The following PECR variants were observed in gnomAD, a reference collection of about 807,000 sequenced individuals.
PECR encodes peroxisomal trans-2-enoyl-CoA reductase.
A neutral mutation model predicts 35.3 loss-of-function variants in PECR; 30 were observed. The ratio of observed to expected loss-of-function variants is 0.85; its 90% CI spans 0.64 to 1.15. The LOEUF is 1.15. Ranked by LOEUF, PECR falls within the 50% of genes most tolerant of loss-of-function variation. PECR has a pLI of 0.00. For synonymous variants in PECR, 148 were observed against 138.9 expected (o/e 1.07, Z -0.46); for missense variants, 392 against 370.8 (o/e 1.06, Z -0.47).
chr2:216,068,018 G>A (rs1219574915), intron 1 of PECR, among the ~76,000 whole-genome samples: 1 of 151,804 alleles, frequency 6.6e-6, no homozygotes. Flanking sequence ...CATGAGGTCA[G>A]GAGTTTGAGA....
chr2:216,054,371 CTTTTTTTT>C (rs34214360), intron 4 of PECR, among the ~76,000 whole-genome samples: 52 of 102,766 alleles, frequency 5.1e-4, no homozygotes, highest in African/African-American at 1.4e-3. Flanking sequence ...TTTTTTCTTT[CTTTTTTTT>C]TTTTTTTTTT....
At chr2:216,066,658 A>G in intron 1 of PECR, 140 bp from the exon 2 acceptor site, 1 of 770,314 alleles carries the variant, frequency 1.3e-6, no homozygotes, top group Non-Finnish European at 2.3e-6. Context: ...AATAATATTG[A>G]AAAAATATAT....
Position 216,081,802 on chromosome 2 carries a change from A to G in PECR, c.-61T>C, listed in dbSNP as rs1695861739. 6.3e-7 allele frequency: 1 copy of G among 1,587,804 alleles called. No homozygotes were observed. Among genetic ancestry groups the G allele is most frequent in the African/African-American group, 1.3e-5 (1 of 74,730 alleles). On this transcript the variant is annotated 5_prime_UTR_variant, in exon 1 of 8. Coordinates refer to ENST00000265322, the MANE Select transcript of PECR (RefSeq NM_018441.6). ...CCCTTCTGGGTCTCAGGGACATTCG[A>G]GGCGGGCGGGCGGACAGGGCGGTGC...
chr2:216,070,622 AAAG>A (rs1695570475), intron 1 of PECR, among the ~76,000 whole-genome samples: 1 of 152,346 alleles, frequency 6.6e-6, no homozygotes, highest in South Asian at 2.1e-4. Flanking sequence ...ACTTAAAACA[AAAG>A]AAACTGTTTT....
At chr2:216,040,798 G>T (rs922143381) in intron 7 of PECR, among the ~76,000 whole-genome samples, 1 of 152,098 alleles carries the variant, frequency 6.6e-6, no homozygotes. Context: ...TTGAACCTGG[G>T]AGGCAGAGAT....
At chr2:216,032,694 A>G (rs564890191) in intron 7 of PECR, 1 of 152,196 alleles carries the variant, frequency 6.6e-6, no homozygotes, top group Non-Finnish European at 1.5e-5. Context: ...TCTCCCCAGT[A>G]AATTTTATAT....
downstream of PECR, among the ~76,000 whole-genome samples, chr2:216,037,860 A>G (rs7559031): frequency 0.72 from 109,705 of 151,658 alleles, 39,801 homozygotes; most frequent in African/African-American, 0.77. Flanking sequence ...CAAAGCGGGC[A>G]GATCACTTAA....
In PECR at chr2:216,066,519, C is replaced by A; in HGVS notation, c.125-1G>T. The stretch of plus-strand genomic sequence containing the variant: ...CGGGATGCAATGACCACATTACTCC[C>A]TGAGGAGAAACAGCCAGAGAACAAA... On this transcript the variant is annotated splice_acceptor_variant, in intron 1 of 7. Transcript: ENST00000265322. LOFTEE classifies it high-confidence loss of function. The A allele has an allele frequency of 6.2e-7, 1 of 1,613,836 alleles. No individual in the cohort carries two copies. Among genetic ancestry groups the A allele is most frequent in the Non-Finnish European group, 8.5e-7 (1 of 1,179,790 alleles).
At chr2:216,065,815 A>C (rs746595944) in intron 2 of PECR, among the ~76,000 whole-genome samples, 7 of 152,244 alleles carry the variant, frequency 4.6e-5, no homozygotes, top group Admixed American at 1.3e-4. Flanking sequence ...AAATCAGATT[A>C]AAATGAACAT....
At chr2:216,069,465 T>C (rs1050574847) in intron 1 of PECR, among the ~76,000 whole-genome samples, 1 of 152,082 alleles carries the variant, frequency 6.6e-6, no homozygotes, top group Non-Finnish European at 1.5e-5. Context: ...GAAGCGAAAT[T>C]AGAATGCATG....
At chr2:216,047,846 T>C (rs1695025196) in intron 6 of PECR, among the ~76,000 whole-genome samples, 1 of 152,174 alleles carries the variant, frequency 6.6e-6, no homozygotes. Context: ...ATAAAATTGG[T>C]TCTCCCCATC....
At chr2:216,079,596 T>C (rs1695787259) in intron 1 of PECR, among the ~76,000 whole-genome samples, 1 of 151,440 alleles carries the variant, frequency 6.6e-6, no homozygotes, top group African/African-American at 2.4e-5. Context: ...CTCGAACTCT[T>C]GACCTTGTGC....
intron 7 of PECR, chr2:216,032,947 C>T (rs1694732888): frequency 6.6e-6 from 1 of 152,120 alleles, no homozygotes; most frequent in Non-Finnish European, 1.5e-5. Flanking sequence ...GTCTTGAATC[C>T]TAAGAAGGCA....
rs1405316717 is a variant in PECR, at chr2:216,051,458, A to G, written c.594T>C (p.Cys198=). 3 of 1,598,096 alleles carry G rather than the reference A, an allele frequency of 1.9e-6. No individual in the cohort carries two copies. The highest frequency in any genetic ancestry group is 2.6e-6 in the Non-Finnish European group (3 of 1,165,380). Residue 198 remains cysteine (C), a synonymous_variant, in exon 5 of 8, where the codon TGT becomes TGC. Transcript: ENST00000265322. ...TAGATCGTTTACCTACAGGGGCAAC[A>G]CAATTGATCCGTATTCCACTGCAGG... ...EWACSGIRIN[C]VAPGVIYSQT... is the part of the protein sequence containing the mutation.
intron 2 of PECR, among the ~76,000 whole-genome samples, chr2:216,066,034 G>A (rs1156636359): frequency 6.6e-6 from 1 of 152,190 alleles, no homozygotes; most frequent in East Asian, 1.9e-4. Flanking sequence ...TGAGTCAGGA[G>A]AATTGCTTGA....
At chr2:216,053,763 G>T (rs1695168920) in intron 4 of PECR, among the ~76,000 whole-genome samples, 1 of 152,024 alleles carries the variant, frequency 6.6e-6, no homozygotes, top group Admixed American at 6.6e-5. Flanking sequence ...TGTTATCTAA[G>T]GTTGTAGAAA....
chr2:216,039,118 T>C lies in PECR; in HGVS notation c.*157A>G. On this transcript the variant is annotated 3_prime_UTR_variant, in exon 8 of 8. Transcript: ENST00000265322. ...AGACTCTGATTGGGACATAAGACTG[T>C]ATATATTTCAGGAATAGTTTTTCCA... The C allele has an allele frequency of 4.8e-6, 3 of 618,874 alleles. No homozygotes were observed. Among genetic ancestry groups the C allele is most frequent in the Non-Finnish European group, 8.7e-6 (3 of 342,984 alleles). The allele number at this position is 618,874 out of a possible 1,614,324, so 38.3% of individuals were successfully genotyped here.
chr2:216,039,197 T>C lies in PECR; in HGVS notation c.*78A>G, dbSNP rs1694846975. On this transcript the variant is annotated 3_prime_UTR_variant, in exon 8 of 8. Transcript: ENST00000265322. ...AGAAAAATGTTTTCCATACCAACTA[T>C]AAGCTTTTAAAAAGTACAGAAGCAT... 1 of 827,184 alleles carries C rather than the reference T, an allele frequency of 1.2e-6. No individual in the cohort carries two copies. Among genetic ancestry groups the C allele is most frequent in the African/African-American group, 1.7e-5 (1 of 59,806 alleles). 51.2% of individuals were successfully genotyped at this position (827,184 alleles called of 1,614,324 possible). A position where few individuals can be genotyped will look rare whatever the true frequency, so the allele number is the denominator to read the frequency against.
intron 1 of PECR, among the ~76,000 whole-genome samples, chr2:216,080,132 A>C (rs1056398313): frequency 6.6e-6 from 1 of 151,974 alleles, no homozygotes; most frequent in African/African-American, 2.4e-5. Flanking sequence ...CCCAGGCTGG[A>C]GTGCAGTGGC....
Sources: gnomAD v4.1 joint callset for allele counts (sites outside exome capture counted in the v4.1 genomes callset) on GRCh38, gnomAD v4.1.1 for gene constraint, MANE v1.5 for transcripts, NCBI Gene and HGNC (gene_info 2026-07-23, HGNC 2026-07-21) for gene names.